Variants in HMGCLL1 observed in about 807,000 individuals in gnomAD.
HMGCLL1 encodes 3-hydroxymethyl-3-methylglutaryl-CoA lyase, cytoplasmic.
In HMGCLL1, 36 loss-of-function variants were observed where a neutral mutation model predicts 39.1. The ratio of observed to expected loss-of-function variants is 0.92; its 90% CI spans 0.71 to 1.22. The LOEUF (loss-of-function observed/expected upper bound fraction) is 1.22, where lower values mean the gene tolerates loss of function less well. Among genes scored for constraint, HMGCLL1 ranks in the 50% most tolerant of loss-of-function variants. The pLI, the probability that HMGCLL1 is intolerant of heterozygous loss-of-function variation, is 0.00. For missense variants in HMGCLL1, 451 were observed against 416.5 expected, an observed-to-expected ratio of 1.08 and a Z score of -0.72; for synonymous variants, 149 against 144.0, an observed-to-expected ratio of 1.03 and a Z score of -0.25.
chr6:55,632,235 T>C, the HMGCLL1 span, among the ~76,000 whole-genome samples: 1 of 151,988 alleles, frequency 6.6e-6, no homozygotes, highest in Non-Finnish European at 1.5e-5. Flanking sequence ...AGTAAAAGCA[T>C]ACAATAATAT....
intron 7 of HMGCLL1, among the ~76,000 whole-genome samples, chr6:55,454,636 C>A (rs1453355002): frequency 2.0e-5 from 3 of 152,118 alleles, no homozygotes; most frequent in African/African-American, 7.2e-5. Context: ...AAGGACAGAG[C>A]TGAATGGGCC....
intron 3 of HMGCLL1, among the ~76,000 whole-genome samples, chr6:55,524,144 TATAA>T (rs967531289): frequency 3.2e-4 from 48 of 151,978 alleles, no homozygotes; most frequent in African/African-American, 1.1e-3. Context: ...TTTTCTAACC[TATAA>T]ATAAAGTTTT....
rs1764050366 is a variant in HMGCLL1 at position 55,450,868 on chromosome 6, G to T, written c.796-11309C>A. ...TCCTTTGAGTTAGGGTGTAAGGAGAGACAATACATATATCCCTTAACAGAG... is the reference window on the plus strand; with the variant it reads ...TCCTTTGAGTTAGGGTGTAAGGAGATACAATACATATATCCCTTAACAGAG... On this transcript the variant is annotated intron_variant, in intron 7 of 8. Transcript: ENST00000274901. 2.0e-5 allele frequency among the ~76,000 whole-genome samples: 3 copies of T among 152,276 alleles called. No individual in the cohort carries two copies. In the East Asian group the frequency reaches 5.8e-4, roughly 29 times the overall value.
the HMGCLL1 span, among the ~76,000 whole-genome samples, chr6:55,655,879 C>A: frequency 3.4e-4 from 52 of 152,068 alleles, no homozygotes; most frequent in South Asian, 0.01. Context: ...ACATTATCCC[C>A]TCCTAATTTA....
intron 3 of HMGCLL1, among the ~76,000 whole-genome samples, chr6:55,528,154 G>A (rs2127446536): frequency 6.6e-6 from 1 of 152,114 alleles, no homozygotes. Flanking sequence ...TCTTCAAAAT[G>A]AGCGGATAAT....
chr6:55,672,638 G>A, the HMGCLL1 span, among the ~76,000 whole-genome samples: 1 of 151,780 alleles, frequency 6.6e-6, no homozygotes, highest in Non-Finnish European at 1.5e-5. Flanking sequence ...TCACCTAACT[G>A]GCTTGTTACT....
intron 7 of HMGCLL1, chr6:55,439,766 G>T: frequency 2.3e-6 from 1 of 430,934 alleles, no homozygotes; most frequent in South Asian, 5.9e-5. Flanking sequence ...CAGAAATTCT[G>T]CTAAGGCTCT....
upstream of HMGCLL1, among the ~76,000 whole-genome samples, chr6:55,579,751 C>A (rs1218877772): frequency 6.6e-6 from 1 of 152,062 alleles, no homozygotes; most frequent in East Asian, 1.9e-4. Context: ...AATGGAACTG[C>A]GTGTTTAAAA....
chr6:55,524,704 C>G (rs1276179205), intron 3 of HMGCLL1, among the ~76,000 whole-genome samples: 1 of 151,800 alleles, frequency 6.6e-6, no homozygotes, highest in Admixed American at 6.6e-5. Flanking sequence ...CTGGCTCAAA[C>G]TTTGCATTTT....
chr6:55,533,716 C>G (rs1025539217), intron 3 of HMGCLL1, among the ~76,000 whole-genome samples: 147 of 150,402 alleles, frequency 9.8e-4, no homozygotes, highest in African/African-American at 3.5e-3. Context: ...GAAACCCCGT[C>G]TCTACTAAAA....
At chr6:55,571,140 C>G (rs78642564) in intron 1 of HMGCLL1, among the ~76,000 whole-genome samples, 7 of 152,168 alleles carry the variant, frequency 4.6e-5, no homozygotes, top group African/African-American at 1.4e-4. Context: ...CAAACCATGT[C>G]AAATACCTAT....
chr6:55,610,489 A>G, the HMGCLL1 span, among the ~76,000 whole-genome samples: 1 of 152,210 alleles, frequency 6.6e-6, no homozygotes, highest in African/African-American at 2.4e-5. Context: ...TAGAGAAAAA[A>G]GAATGAAAAG....
intron 3 of HMGCLL1, among the ~76,000 whole-genome samples, chr6:55,525,012 C>CA (rs1768242609): frequency 6.6e-6 from 1 of 150,528 alleles, no homozygotes; most frequent in African/African-American, 2.4e-5. Context: ...TATAGAAGTA[C>CA]AAAAAATGAT....
intron 5 of HMGCLL1, among the ~76,000 whole-genome samples, chr6:55,507,408 C>T (rs1406875777): frequency 1.3e-5 from 2 of 151,636 alleles, no homozygotes; most frequent in Admixed American, 6.6e-5. Context: ...GGCAGACTCC[C>T]TGTTTCCCCA....
At chr6:55,654,898 G>T in the HMGCLL1 span, among the ~76,000 whole-genome samples, 15 of 151,676 alleles carry the variant, frequency 9.9e-5, no homozygotes, top group Non-Finnish European at 1.9e-4. Flanking sequence ...CTTAAATGAG[G>T]TTCTGTGGTC....
upstream of HMGCLL1, among the ~76,000 whole-genome samples, chr6:55,582,857 C>T (rs184540841): frequency 1.2e-3 from 189 of 151,846 alleles, no homozygotes; most frequent in Non-Finnish European, 1.6e-3. Context: ...TGTACGATAC[C>T]TGTATATATG....
At chr6:55,610,593 C>A in the HMGCLL1 span, among the ~76,000 whole-genome samples, 2 of 152,056 alleles carry the variant, frequency 1.3e-5, no homozygotes, top group African/African-American at 4.8e-5. Context: ...AGAATGGAAC[C>A]AAGATAGAAA....
At chr6:55,654,658 GATC>G in the HMGCLL1 span, among the ~76,000 whole-genome samples, 1 of 151,790 alleles carries the variant, frequency 6.6e-6, no homozygotes, top group Non-Finnish European at 1.5e-5. Flanking sequence ...AGCACTTCCT[GATC>G]AAGCACTTAC....
chr6:55,469,194 A>C (rs2127401822), intron 7 of HMGCLL1, among the ~76,000 whole-genome samples: 1 of 150,922 alleles, frequency 6.6e-6, no homozygotes, highest in South Asian at 2.1e-4. Context: ...AAAAAGAAAA[A>C]CCTACAAGAT....
Sources: gnomAD v4.1 joint callset for allele counts (sites outside exome capture counted in the v4.1 genomes callset) on GRCh38, gnomAD v4.1.1 for gene constraint, MANE v1.5 for transcripts, NCBI Gene and HGNC (gene_info 2026-07-23, HGNC 2026-07-21) for gene names.